Variants in CLYBL observed in about 807,000 individuals in gnomAD.
The protein encoded by CLYBL is citramalyl-CoA lyase, mitochondrial.
CLYBL carries 31 observed loss-of-function variants against 38.9 expected under a neutral mutation model. The observed-to-expected ratio is 0.80, with a 90% CI of 0.60 to 1.08. The LOEUF (loss-of-function observed/expected upper bound fraction) is 1.08. Among genes scored for constraint, CLYBL ranks in the 50% least tolerant of loss-of-function variants. The pLI, the probability that CLYBL is intolerant of heterozygous loss-of-function variation, is 0.00. For missense variants in CLYBL, 434 were observed against 411.6 expected (o/e 1.05, Z -0.47); for synonymous variants, 171 against 158.6 (o/e 1.08, Z -0.59).
intron 1 of CLYBL, among the ~76,000 whole-genome samples, chr13:99,708,192 G>A (rs1490531456): frequency 6.6e-6 from 1 of 152,022 alleles, no homozygotes; most frequent in Admixed American, 6.6e-5. Context: ...TGTTGGCCAG[G>A]CTGGTCTTGA....
intron 1 of CLYBL, among the ~76,000 whole-genome samples, chr13:99,718,888 G>A (rs904618367): frequency 6.6e-6 from 1 of 152,014 alleles, no homozygotes; most frequent in African/African-American, 2.4e-5. Context: ...TGTTGCCCAG[G>A]CTGGAGTGCA....
At chr13:99,800,565 C>T (rs137893491) in intron 2 of CLYBL, among the ~76,000 whole-genome samples, 3 of 152,302 alleles carry the variant, frequency 2.0e-5, no homozygotes, top group East Asian at 3.9e-4. Context: ...CCAATACAAT[C>T]CCTTTTGGCT....
intron 1 of CLYBL, among the ~76,000 whole-genome samples, chr13:99,704,926 C>T (rs1475828782): frequency 1.3e-5 from 2 of 152,184 alleles, no homozygotes; most frequent in East Asian, 3.8e-4. Context: ...TCTTGGTTAT[C>T]TAGGGCAATT....
intron 6 of CLYBL, among the ~76,000 whole-genome samples, chr13:99,868,989 A>C (rs1487904351): frequency 2.0e-5 from 3 of 152,168 alleles, no homozygotes; most frequent in Non-Finnish European, 2.9e-5. Context: ...CATAAATTTT[A>C]ATGTCTTCCA....
At chr13:99,747,289 C>A (rs1170373765) in intron 1 of CLYBL, among the ~76,000 whole-genome samples, 2 of 141,076 alleles carry the variant, frequency 1.4e-5, no homozygotes, top group Non-Finnish European at 3.0e-5. Flanking sequence ...CTTTCTTATC[C>A]ACCCCGGCTT....
intron 2 of CLYBL, among the ~76,000 whole-genome samples, chr13:99,841,002 A>G (rs77343565): frequency 8.5e-4 from 130 of 152,268 alleles, no homozygotes; most frequent in African/African-American, 3.0e-3. Flanking sequence ...GTCACATTCC[A>G]TACTAATATT....
chr13:99,768,550 C>T (rs1477871515), intron 1 of CLYBL, among the ~76,000 whole-genome samples: 1 of 127,424 alleles, frequency 7.8e-6, no homozygotes, highest in Non-Finnish European at 1.6e-5. Flanking sequence ...CTCACTGTGT[C>T]ACCCAGGCTG....
intron 2 of CLYBL, among the ~76,000 whole-genome samples, chr13:99,823,406 T>C (rs964998766): frequency 1.3e-5 from 2 of 152,214 alleles, no homozygotes; most frequent in Non-Finnish European, 2.9e-5. Flanking sequence ...CACGTATCCA[T>C]TATTACAGGA....
At chr13:99,770,186 C>CT (rs2049356415) in intron 1 of CLYBL, among the ~76,000 whole-genome samples, 1 of 149,330 alleles carries the variant, frequency 6.7e-6, no homozygotes, top group African/African-American at 2.5e-5. Flanking sequence ...CTCCCGGGTT[C>CT]AAGGGATTCT....
At chr13:99,897,345 G>T (rs919273788), downstream of CLYBL, among the ~76,000 whole-genome samples, 1 of 152,168 alleles carries the variant, frequency 6.6e-6, no homozygotes, top group African/African-American at 2.4e-5. Context: ...TTGCTCATAC[G>T]CAGGGAACTG....
chr13:99,720,122 A>G (rs761485086), intron 1 of CLYBL, among the ~76,000 whole-genome samples: 17 of 151,238 alleles, frequency 1.1e-4, no homozygotes, highest in Admixed American at 2.6e-4. Context: ...TTATTTTATT[A>G]TAGTTTTCTT....
At chr13:99,766,464 T>A (rs1010219055) in intron 1 of CLYBL, among the ~76,000 whole-genome samples, 5 of 152,220 alleles carry the variant, frequency 3.3e-5, no homozygotes, top group Non-Finnish European at 5.9e-5. Context: ...TCCTTAGAAC[T>A]TCTATTCTGA....
intron 1 of CLYBL, among the ~76,000 whole-genome samples, chr13:99,720,085 G>C (rs1479877926): frequency 6.7e-6 from 1 of 148,806 alleles, no homozygotes; most frequent in Non-Finnish European, 1.5e-5. Flanking sequence ...ATTGTACTTA[G>C]TTCTCTTTAT....
chr13:99,777,492 TTTTC>T (rs1010070747), intron 2 of CLYBL, among the ~76,000 whole-genome samples: 11 of 112,318 alleles, frequency 9.8e-5, no homozygotes, highest in Non-Finnish European at 1.6e-4. Flanking sequence ...TTTTCTTTTC[TTTTC>T]TTTTTTTTTT....
At chr13:99,901,212 C>T (rs534528485), downstream of CLYBL, among the ~76,000 whole-genome samples, 9 of 152,344 alleles carry the variant, frequency 5.9e-5, no homozygotes, top group Non-Finnish European at 1.2e-4. Flanking sequence ...CCATGGGCAC[C>T]GTTCTTTGCA....
chr13:99,778,650 G>A (rs964648833), intron 2 of CLYBL, among the ~76,000 whole-genome samples: 10 of 152,078 alleles, frequency 6.6e-5, no homozygotes, highest in Non-Finnish European at 1.0e-4. Flanking sequence ...TCCCAAGCAC[G>A]GATGATAAAA....
chr13:99,744,139 A>G (rs1374369358), intron 1 of CLYBL, among the ~76,000 whole-genome samples: 2 of 151,398 alleles, frequency 1.3e-5, no homozygotes, highest in Non-Finnish European at 2.9e-5. Context: ...CGCCCGGTTA[A>G]TTTTTTGTAT....
At chr13:99,743,978 T>C (rs1273689172) in intron 1 of CLYBL, among the ~76,000 whole-genome samples, 7 of 140,062 alleles carry the variant, frequency 5.0e-5, no homozygotes, top group African/African-American at 1.9e-4. Flanking sequence ...TTTTTTTTTT[T>C]TTTTTTTTTT....
At chr13:99,800,182 C>G (rs1017690615) in intron 2 of CLYBL, among the ~76,000 whole-genome samples, 50 of 152,310 alleles carry the variant, frequency 3.3e-4, no homozygotes, top group African/African-American at 1.2e-3. Flanking sequence ...GGCTTCAGCC[C>G]CAGTGGAGTC....
Sources: gnomAD v4.1 joint callset for allele counts (sites outside exome capture counted in the v4.1 genomes callset) on GRCh38, gnomAD v4.1.1 for gene constraint, MANE v1.5 for transcripts, NCBI Gene and HGNC (gene_info 2026-07-23, HGNC 2026-07-21) for gene names.